MAPK8IP2: variants seen among roughly 807,000 people sequenced by gnomAD.
The protein encoded by MAPK8IP2 is mitogen-activated protein kinase 8 interacting protein 2.
In MAPK8IP2, 15 loss-of-function variants were observed where a neutral mutation model predicts 75.6. The ratio of observed to expected loss-of-function variants is 0.20; its 90% confidence interval spans 0.13 to 0.31. The LOEUF (loss-of-function observed/expected upper bound fraction) is 0.31. MAPK8IP2 is among the 10% of genes least tolerant of loss of function. The probability of loss-of-function intolerance (pLI) is 1.00; values close to 1 mark genes in which losing one functional copy is unlikely to be tolerated. For missense variants in MAPK8IP2, 1,089 were observed against 1,211.2 expected, an observed-to-expected ratio of 0.90 and a Z score of 1.50; for synonymous variants, 632 against 554.5, an observed-to-expected ratio of 1.14 and a Z score of -1.96.
chr22:50,610,998 G>A lies in MAPK8IP2; in HGVS notation c.*219G>A. ...GCCCCCGTGCCCCTGCTTTTCCTCA[G>A]ATCCGTTCTTTCTCTGTGTTGTCCT... On this transcript the variant is annotated 3_prime_UTR_variant, in exon 12 of 12. Coordinates refer to ENST00000329492, the MANE Select transcript of MAPK8IP2 (RefSeq NM_012324.6). The surrounding 1 kb of genome is among the most constrained non-coding windows in gnomAD (Gnocchi z 4.3). 1 of 542,428 alleles carries A rather than the reference G, an allele frequency of 1.8e-6. No individual in the cohort carries two copies. The highest frequency in any genetic ancestry group is 3.3e-6 in the Non-Finnish European group (1 of 302,968). The allele number at this position is 542,428 out of a possible 1,614,324, so 33.6% of individuals were successfully genotyped here.
rs1217305719 is a variant in MAPK8IP2, at chr22:50,604,026, C to G, written c.727C>G (p.Arg243Gly). ...RSRSSGGRGG[R>G]RSSQELSSPG... Reference sequence around the variant, plus strand: ...CCGCTCGAGCGGCGGCCGCGGGGGACGTCGCAGCAGCCAGGAGCTGTCCTC... The same window carrying G: ...CCGCTCGAGCGGCGGCCGCGGGGGAGGTCGCAGCAGCCAGGAGCTGTCCTC... The change falls in exon 5 of 12, where the codon CGT becomes GGT. Residue 243 changes from arginine to glycine, a missense_variant. By Grantham distance (125) the Arg-to-Gly change is moderately radical (BLOSUM62 -2). Around this residue, in one of 2 missense-constraint regions of MAPK8IP2, gnomAD observed 960 missense variants for 1,009.6 expected, o/e 0.95. Transcript: ENST00000329492. The G allele has an allele frequency of 1.9e-6, 3 of 1,550,942 alleles. No homozygotes were observed. The highest frequency in any genetic ancestry group is 1.9e-5 in the Admixed American group (1 of 52,390).
In MAPK8IP2 at chr22:50,610,019, G is replaced by C. The variant is rs1042118564; in HGVS notation, c.2304-193G>C. The C allele has an allele frequency of 1.4e-6, 1 of 736,684 alleles. No homozygotes were observed. Among genetic ancestry groups the C allele is most frequent in the East Asian group, 2.5e-5 (1 of 39,456 alleles). The allele number at this position is 736,684 out of a possible 1,614,324, so 45.6% of individuals were successfully genotyped here. A position where few individuals can be genotyped will look rare whatever the true frequency, so the allele number is the denominator to read the frequency against. On this transcript the variant is annotated intron_variant, in intron 10 of 11. Transcript: ENST00000329492. This position sits in a 1 kb window ranked among gnomAD's most constrained non-coding sequence, Gnocchi z 4.3. ...TAACTCAGAGCGTGAACTCTTGGTA[G>C]GTGCCCAGCCCTGTGCTTGGGCTGA...
At chr22:50,605,177 C>T in intron 5 of MAPK8IP2, 113 bp downstream of exon 5, 1 of 1,340,988 alleles carries the variant, frequency 7.5e-7, no homozygotes, top group Non-Finnish European at 1.0e-6. Context: ...TGGCTGTGGT[C>T]AGGGCTGGGT....
Position 50,604,435 on chromosome 22 carries a change from C to T in MAPK8IP2, c.1136C>T (p.Pro379Leu), listed in dbSNP as rs867781337. ...CAGTGCCTGTCTCCTGCGCCGCGCC[C>T]GCCCGGGGAGCCCGTGTCGCCGGCC... ...PGQCLSPAPRPPGEPVSPAGG... is the reference protein window; with the variant it reads ...PGQCLSPAPRLPGEPVSPAGG... Residue 379 changes from proline to leucine, a missense_variant, in exon 5 of 12, where the codon CCG becomes CTG. Pro to Leu is a moderately conservative substitution (Grantham distance 98). Coordinates refer to ENST00000329492, the MANE Select transcript of MAPK8IP2 (RefSeq NM_012324.6). 8 of 1,426,848 alleles carry T rather than the reference C, an allele frequency of 5.6e-6. No individual in the cohort carries two copies. In the African/African-American group the frequency reaches 7.5e-5, roughly 13 times the overall value. 88.4% of individuals were successfully genotyped at this position (1,426,848 alleles called of 1,614,324 possible). A position where few individuals can be genotyped will look rare whatever the true frequency, so the allele number is the denominator to read the frequency against.
At position 50,607,222 on chromosome 22, in the gene MAPK8IP2, G is replaced by A. The variant is rs990192020; in HGVS notation, c.2303+231G>A. 2.0e-5 allele frequency among the ~76,000 whole-genome samples: 3 copies of A among 152,182 alleles called. No homozygotes were observed. Among genetic ancestry groups the A allele is most frequent in the African/African-American group, 7.2e-5 (3 of 41,442 alleles). On this transcript the variant is annotated intron_variant, in intron 10 of 11. Transcript: ENST00000329492. The surrounding 1 kb of genome is among the most constrained non-coding windows in gnomAD (Gnocchi z 5.6). Reference sequence around the variant, plus strand: ...CCAGTCTGGGTGGAGAGAGGCACACGGGCGAAGGATGTGAGAAGCCTGTGT... The same window carrying A: ...CCAGTCTGGGTGGAGAGAGGCACACAGGCGAAGGATGTGAGAAGCCTGTGT...
rs759624639 is a variant in MAPK8IP2, at chr22:50,604,911, G to A, written c.1612G>A (p.Glu538Lys). The A allele has an allele frequency of 6.2e-7, 1 of 1,610,346 alleles. No individual in the cohort carries two copies. Among genetic ancestry groups the A allele is most frequent in the Admixed American group, 1.7e-5 (1 of 59,856 alleles). ...RCAGLGHDSEEDSGGEASEEE... is the reference protein window; with the variant it reads ...RCAGLGHDSEKDSGGEASEEE... ...TGCTGGGCTGGGCCACGACAGCGAAGAGGACAGCGGCGGGGAGGCCAGCGA... is the reference window on the plus strand; with the variant it reads ...TGCTGGGCTGGGCCACGACAGCGAAAAGGACAGCGGCGGGGAGGCCAGCGA... The change falls in exon 5 of 12, where the codon GAG becomes AAG. Residue 538 changes from glutamate (E) to lysine (K), a missense_variant. By Grantham distance (56) the Glu-to-Lys change is moderately conservative (BLOSUM62 1). Coordinates refer to ENST00000329492, the MANE Select transcript of MAPK8IP2 (RefSeq NM_012324.6).
rs1183263509 is a variant in MAPK8IP2, at chr22:50,604,007, G to A, written c.708G>A (p.Ser236=). The part of the protein sequence containing the change: ...PGIEADLRSR[S]SGGRGGRRSS... ...TCGAGGCTGACCTGAGAAGCCGCTCGAGCGGCGGCCGCGGGGGACGTCGCA... is the reference window on the plus strand; with the variant it reads ...TCGAGGCTGACCTGAGAAGCCGCTCAAGCGGCGGCCGCGGGGGACGTCGCA... Residue 236 remains serine, a synonymous_variant, in exon 5 of 12, where the codon TCG becomes TCA. Transcript: ENST00000329492. 6.4e-6 allele frequency: 10 copies of A among 1,557,826 alleles called. No individual in the cohort carries two copies. Among genetic ancestry groups the A allele is most frequent in the Admixed American group, 1.9e-5 (1 of 53,360 alleles).
At chr22:50,609,656 G>A (rs910618119) in intron 10 of MAPK8IP2, 4 of 433,868 alleles carry the variant, frequency 9.2e-6, no homozygotes, top group East Asian at 1.4e-4. Flanking sequence ...CCCTCTGGAC[G>A]ACGATTTTTG....
rs1281599271 is a variant in MAPK8IP2 at position 50,604,578 on chromosome 22, C to T, written c.1279C>T (p.Pro427Ser). ...GCCGCCCGCGCCCGCCGCGCCTCGA[C>T]CCGGCCCCGCGCAGCCCGGGCCCTG... ...PPPPAPAAPRPGPAQPGPCLF... is the reference protein window; with the variant it reads ...PPPPAPAAPRSGPAQPGPCLF... The change falls in exon 5 of 12, where the codon CCC becomes TCC. Residue 427 changes from proline (P) to serine (S), a missense_variant. Around this residue, in one of 2 missense-constraint regions of MAPK8IP2, gnomAD observed 960 missense variants for 1,009.6 expected, o/e 0.95. Transcript: ENST00000329492. 6 of 1,286,874 alleles carry T rather than the reference C, an allele frequency of 4.7e-6. No homozygotes were observed. Among genetic ancestry groups the T allele is most frequent in the Non-Finnish European group, 5.9e-6 (6 of 1,022,084 alleles). The allele number at this position is 1,286,874 out of a possible 1,614,324, so 79.7% of individuals were successfully genotyped here.
intron 5 of MAPK8IP2, 21 bp from the exon 6 acceptor site, chr22:50,605,347 C>G: frequency 6.2e-7 from 1 of 1,610,792 alleles, no homozygotes; most frequent in East Asian, 2.2e-5. Flanking sequence ...TCCCCCGCCT[C>G]TGTCCTGCCG....
At position 50,605,384 on chromosome 22, in the gene MAPK8IP2, C is replaced by A. The variant is rs530035375; in HGVS notation, c.1782C>A (p.Gly594=). 1.9e-6 allele frequency: 3 copies of A among 1,613,596 alleles called. No individual in the cohort carries two copies. Among genetic ancestry groups the A allele is most frequent in the African/African-American group, 1.3e-5 (1 of 75,062 alleles). The change falls in exon 6 of 12, where the codon GGC becomes GGA. Residue 594 remains glycine, a synonymous_variant. Coordinates refer to ENST00000329492, the MANE Select transcript of MAPK8IP2 (RefSeq NM_012324.6). ...TSRSSSTESF[G]LFSCLVNGEE... ...GTCTCCCAGGCACCGAGTCCTTTGG[C>A]CTTTTCTCCTGTCTGGTCAACGGCG...
chr22:50,601,466 C>G (rs1266274952), intron 1 of MAPK8IP2: 1 of 274,100 alleles, frequency 3.6e-6, no homozygotes, highest in Non-Finnish European at 7.2e-6. Flanking sequence ...GCAGCTCCCC[C>G]TCCCCTGCTC....
intron 2 of MAPK8IP2, 142 bp from the exon 3 acceptor site, chr22:50,603,081 C>G: frequency 6.6e-7 from 1 of 1,526,020 alleles, no homozygotes; most frequent in Non-Finnish European, 8.8e-7. Context: ...TTGAAAACAT[C>G]GCCCTGTAGA....
At chr22:50,605,533 C>G in intron 6 of MAPK8IP2, 29 bp from the exon 7 acceptor site, 1 of 1,116,154 alleles carries the variant, frequency 9.0e-7, no homozygotes. Context: ...TCCCGCCCCC[C>G]TCCCCAGTGA....
At chr22:50,609,115 C>T (rs971943737) in intron 10 of MAPK8IP2, among the ~76,000 whole-genome samples, 3 of 152,102 alleles carry the variant, frequency 2.0e-5, no homozygotes, top group Admixed American at 1.3e-4. Context: ...TCCCTTGCCA[C>T]GAGGAGGCAC....
intron 10 of MAPK8IP2, chr22:50,609,922 T>C (rs778311058): frequency 1.6e-6 from 1 of 606,182 alleles, no homozygotes; most frequent in Admixed American, 1.9e-5. Flanking sequence ...GGGCAGGCCC[T>C]GAATAGGGCC....
At chr22:50,602,127 G>C (rs1014033121) in intron 2 of MAPK8IP2, among the ~76,000 whole-genome samples, 1 of 152,116 alleles carries the variant, frequency 6.6e-6, no homozygotes, top group Non-Finnish European at 1.5e-5. Flanking sequence ...CGACCCCATC[G>C]GTGGCCAGCC....
At chr22:50,609,714 CG>C (rs1569068467) in intron 10 of MAPK8IP2, 1 of 504,908 alleles carries the variant, frequency 2.0e-6, no homozygotes, top group East Asian at 5.6e-5. Context: ...ACTCCATGAG[CG>C]AGGCCCCGCA....
chr22:50,605,188 G>T, intron 5 of MAPK8IP2, 124 bp downstream of exon 5: 1 of 1,244,272 alleles, frequency 8.0e-7, no homozygotes. Flanking sequence ...AGGGCTGGGT[G>T]CCCTCTCCCA....
Sources: allele counts gnomAD v4.1 joint callset (sites outside exome capture counted in the v4.1 genomes callset), GRCh38; gene constraint gnomAD v4.1.1; regional missense constraint gnomAD v4.1.1; non-coding constraint Gnocchi (gnomAD v3.1); transcripts MANE v1.5; gene names NCBI Gene and HGNC (gene_info 2026-07-23, HGNC 2026-07-21).